SGSM3: variants seen among roughly 807,000 people sequenced by gnomAD.
SGSM3 encodes the protein small G protein signaling modulator 3.
SGSM3 carries 96 observed loss-of-function variants against 100.5 expected under a neutral mutation model. The ratio of observed to expected loss-of-function variants is 0.96; its 90% CI spans 0.81 to 1.13. SGSM3 has a LOEUF of 1.13. Ranked by LOEUF, SGSM3 falls within the 50% of genes most tolerant of loss-of-function variation. The pLI is 0.00. For synonymous variants in SGSM3, 483 were observed against 422.8 expected (o/e 1.14, Z -1.75); for missense variants, 1,001 against 1,015.8 (o/e 0.99, Z 0.20).
At chr22:40,404,514 G>A (rs760701) in intron 5 of SGSM3, 43 bp from the exon 6 acceptor site, 301,341 of 1,609,274 alleles carry the variant, frequency 0.19, 32,939 homozygotes, top group Admixed American at 0.49. Flanking sequence ...ATGATCAGGT[G>A]TCACGAGAAA....
chr22:40,409,946 G>A lies in SGSM3; in HGVS notation c.*187G>A. On this transcript the variant is annotated 3_prime_UTR_variant, in exon 22 of 22. Coordinates refer to ENST00000248929, the MANE Select transcript of SGSM3 (RefSeq NM_015705.6). ...GAGCAGAGGGTACCCTGCCCCACCAGGGTCCTTAGGGATGCTCTAGGCCAA... is the reference window on the plus strand; with the variant it reads ...GAGCAGAGGGTACCCTGCCCCACCAAGGTCCTTAGGGATGCTCTAGGCCAA... 1.4e-6 allele frequency: 2 copies of A among 1,397,662 alleles called. No individual in the cohort carries two copies. The allele number at this position is 1,397,662 out of a possible 1,614,324, so 86.6% of individuals were successfully genotyped here.
rs60319316 is a variant in SGSM3 at position 40,386,562 on chromosome 22, CTTTTTTTTT to C, written c.-111-14115_-111-14107del. Reference sequence around the variant, plus strand: ...TTTGACCTCTAGTCCAATTTTCTTACTTTTTTTTTTTTTTTTTTTTTTTTTTTAATAAAA... The same window carrying C: ...TTTGACCTCTAGTCCAATTTTCTTACTTTTTTTTTTTTTTTTTTAATAAAA... On this transcript the variant is annotated intron_variant, in intron 1 of 21. Coordinates refer to ENST00000248929, the MANE Select transcript of SGSM3 (RefSeq NM_015705.6). Among the ~76,000 whole-genome samples, 44 of 68,368 alleles carry C rather than the reference CTTTTTTTTT, an allele frequency of 6.4e-4. 2 individuals are homozygous for C. The Admixed American group carries it at 6.7e-3, about 10-fold the overall frequency. 44.9% of individuals were successfully genotyped at this position (68,368 alleles called of 152,430 possible).
chr22:40,371,685 C>G (rs568658549), intron 1 of SGSM3, among the ~76,000 whole-genome samples: 1 of 151,682 alleles, frequency 6.6e-6, no homozygotes, highest in Non-Finnish European at 1.5e-5. Context: ...ATTTGTAATT[C>G]TTCTTTTCTT....
chr22:40,395,545 C>G (rs556974364), intron 1 of SGSM3, among the ~76,000 whole-genome samples: 5 of 152,296 alleles, frequency 3.3e-5, no homozygotes, highest in African/African-American at 1.2e-4. Flanking sequence ...TGGTCTCGAA[C>G]TCCTGACCTC....
chr22:40,376,814 TAG>T (rs761227869), intron 1 of SGSM3, among the ~76,000 whole-genome samples: 22 of 152,102 alleles, frequency 1.4e-4, no homozygotes, highest in Admixed American at 5.2e-4. Flanking sequence ...AATCAAGAAA[TAG>T]AGTAGTTTTG....
In SGSM3 at chr22:40,398,060, T is replaced by C. The variant is rs569816467; in HGVS notation, c.-111-2636T>C. 6.1e-5 allele frequency among the ~76,000 whole-genome samples: 9 copies of C among 148,306 alleles called. No homozygotes were observed. In the South Asian group the frequency reaches 2.0e-3, roughly 32 times the overall value. ...TCAACTCACTGCAACCTCTGCCTCC[T>C]GGGTTCAAGTGATTCTCCTGCCTCG... On this transcript the variant is annotated intron_variant, in intron 1 of 21. Coordinates refer to ENST00000248929, the MANE Select transcript of SGSM3 (RefSeq NM_015705.6).
At chr22:40,388,778 GA>G (rs1345535983) in intron 1 of SGSM3, among the ~76,000 whole-genome samples, 12 of 152,130 alleles carry the variant, frequency 7.9e-5, no homozygotes, top group Non-Finnish European at 1.5e-5. Context: ...AAAACTTTAG[GA>G]AAGGCCGAAT....
Position 40,408,707 on chromosome 22 carries a change from C to A in SGSM3, c.1853+10C>A. 1 of 1,614,016 alleles carries A rather than the reference C, an allele frequency of 6.2e-7. No individual in the cohort carries two copies. The highest frequency in any genetic ancestry group is 8.5e-7 in the Non-Finnish European group (1 of 1,180,030). On this transcript the variant is annotated intron_variant, in intron 17 of 21. Coordinates refer to ENST00000248929, the MANE Select transcript of SGSM3 (RefSeq NM_015705.6). ...TCTGTAAGACCTTCAGGTAACTCGGCCCGGGTTCTTCTGGTGGGGTCACCA... is the reference window on the plus strand; with the variant it reads ...TCTGTAAGACCTTCAGGTAACTCGGACCGGGTTCTTCTGGTGGGGTCACCA...
At chr22:40,373,864 T>TA (rs1348284231) in intron 1 of SGSM3, among the ~76,000 whole-genome samples, 1 of 152,162 alleles carries the variant, frequency 6.6e-6, no homozygotes, top group African/African-American at 2.4e-5. Flanking sequence ...TCCGCCCTCC[T>TA]AGGCCTTCCA....
At chr22:40,374,716 G>A (rs138465498) in intron 1 of SGSM3, among the ~76,000 whole-genome samples, 4 of 152,270 alleles carry the variant, frequency 2.6e-5, no homozygotes, top group African/African-American at 9.6e-5. Context: ...ATGCCATCTC[G>A]ACCAAAAACA....
chr22:40,402,246 CT>C (rs2050849180), intron 4 of SGSM3, 41 bp downstream of exon 4: 1 of 1,499,314 alleles, frequency 6.7e-7, no homozygotes, highest in African/African-American at 1.4e-5. Context: ...TGCTGATGTT[CT>C]TTGGGGAGGA....
At chr22:40,373,332 CT>C (rs2146722080) in intron 1 of SGSM3, 1 of 152,348 alleles carries the variant, frequency 6.6e-6, no homozygotes, top group Non-Finnish European at 1.5e-5. Flanking sequence ...ATTTCTCCTG[CT>C]TTTCCTTTCT....
chr22:40,384,944 C>T (rs1040871873), intron 1 of SGSM3, among the ~76,000 whole-genome samples: 3 of 152,124 alleles, frequency 2.0e-5, no homozygotes, highest in Non-Finnish European at 4.4e-5. Context: ...ATGGACTCCC[C>T]ATTTGGAATC....
intron 1 of SGSM3, among the ~76,000 whole-genome samples, chr22:40,387,987 C>T (rs1221344811): frequency 6.6e-6 from 1 of 152,160 alleles, no homozygotes; most frequent in Non-Finnish European, 1.5e-5. Flanking sequence ...TGTTTCCAGT[C>T]TGTGTTCTCC....
intron 1 of SGSM3, among the ~76,000 whole-genome samples, chr22:40,396,409 C>A (rs769761857): frequency 1.3e-5 from 2 of 151,786 alleles, no homozygotes; most frequent in Non-Finnish European, 2.9e-5. Context: ...CTGGCCAACA[C>A]GGCGAAACCC....
At chr22:40,400,077 C>A (rs902178542) in intron 1 of SGSM3, among the ~76,000 whole-genome samples, 25 of 152,246 alleles carry the variant, frequency 1.6e-4, no homozygotes, top group African/African-American at 5.8e-4. Flanking sequence ...CTAATTCTTC[C>A]CGATTTATCT....
At chr22:40,388,017 G>T (rs1359175191) in intron 1 of SGSM3, 1 of 152,182 alleles carries the variant, frequency 6.6e-6, no homozygotes, top group Non-Finnish European at 1.5e-5. Flanking sequence ...TCACACCTCA[G>T]TCTCGCCTAA....
intron 1 of SGSM3, among the ~76,000 whole-genome samples, chr22:40,381,374 C>T (rs1018908589): frequency 1.3e-5 from 2 of 152,112 alleles, no homozygotes; most frequent in African/African-American, 4.8e-5. Flanking sequence ...GTCTCAAACT[C>T]TTGGGCTCAA....
chr22:40,391,879 C>G (rs562030788), intron 1 of SGSM3, among the ~76,000 whole-genome samples: 1 of 152,200 alleles, frequency 6.6e-6, no homozygotes, highest in East Asian at 1.9e-4. Context: ...CTCACCCAAA[C>G]CCAGCTCTGG....
Sources: allele counts gnomAD v4.1 joint callset (sites outside exome capture counted in the v4.1 genomes callset), GRCh38; gene constraint gnomAD v4.1.1; transcripts MANE v1.5; gene names NCBI Gene and HGNC (gene_info 2026-07-23, HGNC 2026-07-21).